DNAH8: variants seen among roughly 807,000 people sequenced by gnomAD.
DNAH8 encodes dynein axonemal heavy chain 8.
DNAH8 carries 382 observed loss-of-function variants against 562.1 expected under a neutral mutation model. The observed-to-expected ratio is 0.68, with a 90% CI of 0.63 to 0.74. DNAH8 has a LOEUF of 0.74. DNAH8 is among the 30% of genes least tolerant of loss of function. The pLI, the probability that DNAH8 is intolerant of heterozygous loss-of-function variation, is 0.00. For synonymous variants in DNAH8, 1,881 were observed against 1,919.4 expected, an observed-to-expected ratio of 0.98 and a Z score of 0.52; for missense variants, 5,203 against 5,620.4, an observed-to-expected ratio of 0.93 and a Z score of 2.37.
At chr6:38,783,480 T>C (rs1193382283) in intron 17 of DNAH8, among the ~76,000 whole-genome samples, 2 of 152,174 alleles carry the variant, frequency 1.3e-5, no homozygotes, top group Admixed American at 6.5e-5. Flanking sequence ...TCAGTCCCAT[T>C]CTGGAGAGAA....
intron 26 of DNAH8, among the ~76,000 whole-genome samples, chr6:38,816,062 G>GTTTTA (rs10585359): frequency 0.012 from 1,813 of 149,832 alleles, 12 homozygotes; most frequent in African/African-American, 0.022. Context: ...ATTTTATTTT[G>GTTTTA]TTTTATTTTA....
chr6:39,020,072 T>C (rs1052519361), intron 91 of DNAH8, among the ~76,000 whole-genome samples: 4 of 152,186 alleles, frequency 2.6e-5, no homozygotes, highest in Non-Finnish European at 5.9e-5. Context: ...AAGCATAAAC[T>C]AGCTCAAGGA....
At chr6:38,881,961 C>G (rs1426047610) in intron 53 of DNAH8, among the ~76,000 whole-genome samples, 2 of 152,158 alleles carry the variant, frequency 1.3e-5, no homozygotes, top group East Asian at 3.9e-4. Context: ...GCATCCATTA[C>G]ATTACTGGTT....
intron 32 of DNAH8, among the ~76,000 whole-genome samples, chr6:38,836,041 C>T (rs1370941539): frequency 8.6e-5 from 13 of 151,946 alleles, no homozygotes; most frequent in South Asian, 2.1e-4. Flanking sequence ...AATTTATTAA[C>T]GAAGCAGAAT....
At chr6:38,808,117 T>G in intron 24 of DNAH8, among the ~76,000 whole-genome samples, 1 of 152,204 alleles carries the variant, frequency 6.6e-6, no homozygotes, top group East Asian at 1.9e-4. Flanking sequence ...GGGGTATAGT[T>G]TTTTACACTT....
In DNAH8 at chr6:38,857,791, C is replaced by G. The variant is rs143384789; in HGVS notation, c.5958+49C>G. On this transcript the variant is annotated intron_variant, in intron 42 of 92. Transcript: ENST00000327475. Reference sequence around the variant, plus strand: ...TAGTGTACTAACTAATAATGAACAGCTAAGAATTGTATATGTTGCCTAACT... The same window carrying G: ...TAGTGTACTAACTAATAATGAACAGGTAAGAATTGTATATGTTGCCTAACT... 3,116 of 1,199,482 alleles carry G rather than the reference C, an allele frequency of 2.6e-3. 66 individuals are homozygous for G. The Admixed American group carries it at 0.04, about 16-fold the overall frequency. The allele number at this position is 1,199,482 out of a possible 1,614,324, so 74.3% of individuals were successfully genotyped here. A position where few individuals can be genotyped will look rare whatever the true frequency, so the allele number is the denominator to read the frequency against.
intron 1 of DNAH8, among the ~76,000 whole-genome samples, chr6:38,717,931 G>A (rs1349344175): frequency 6.6e-6 from 1 of 152,140 alleles, no homozygotes; most frequent in African/African-American, 2.4e-5. Context: ...TCTTAGAATT[G>A]ATGAAATACC....
At chr6:38,968,226 G>A (rs113706203) in intron 82 of DNAH8, among the ~76,000 whole-genome samples, 6,306 of 152,158 alleles carry the variant, frequency 0.041, 286 homozygotes, top group African/African-American at 0.1. Context: ...CTTTGAGGCC[G>A]TGGATTAGGC....
intron 35 of DNAH8, 51 bp from the exon 36 acceptor site, chr6:38,845,522 CT>C: frequency 6.9e-7 from 1 of 1,459,092 alleles, no homozygotes; most frequent in Non-Finnish European, 9.6e-7. Context: ...TGATGATGCA[CT>C]TAATTTGTAG....
At position 38,870,494 on chromosome 6, in the gene DNAH8, G is replaced by A. The variant is rs779998983; in HGVS notation, c.6922G>A (p.Ala2308Thr). Residue 2308 changes from alanine (A) to threonine (T), a missense_variant, in exon 49 of 93, where the codon GCA (alanine) becomes ACA (threonine). Ala to Thr is a moderately conservative substitution (Grantham distance 58). Coordinates refer to ENST00000327475, the MANE Select transcript of DNAH8 (RefSeq NM_001206927.2). ...DSNTYAELQN[A>T]VAHQVQIEGL... ...TAATACTTATGCAGAACTGCAAAAC[G>A]CAGTAGCCCATCAGGTTCAGATAGA... 7.4e-6 allele frequency: 12 copies of A among 1,613,944 alleles called. No homozygotes were observed. In the Admixed American group the frequency reaches 8.3e-5, roughly 11 times the overall value.
At chr6:38,933,173 C>T (rs1782689527) in intron 76 of DNAH8, among the ~76,000 whole-genome samples, 1 of 152,042 alleles carries the variant, frequency 6.6e-6, no homozygotes, top group African/African-American at 2.4e-5. Context: ...GATGATTCCT[C>T]GCTGGTCTAG....
At chr6:38,850,116 A>AAG in intron 37 of DNAH8, 135 bp from the exon 38 acceptor site, 2 of 751,730 alleles carry the variant, frequency 2.7e-6, no homozygotes, top group South Asian at 4.6e-5. Flanking sequence ...ATGAAAAAAA[A>AAG]TTGTCTGTTT....
intron 53 of DNAH8, among the ~76,000 whole-genome samples, chr6:38,879,963 A>C (rs963805671): frequency 2.6e-5 from 4 of 152,166 alleles, no homozygotes; most frequent in African/African-American, 9.7e-5. Flanking sequence ...GGCTGGGTGC[A>C]GGGGCTCACA....
Position 38,755,894 on chromosome 6 carries a change from A to G in DNAH8, c.1408-78A>G, listed in dbSNP as rs7773138. 0.15 allele frequency: 123,205 copies of G among 845,550 alleles called. 10,237 individuals carry two copies. The highest frequency in any genetic ancestry group is 0.26 in the Admixed American group (12,926 of 48,778). 52.4% of individuals were successfully genotyped at this position (845,550 alleles called of 1,614,324 possible). A position where few individuals can be genotyped will look rare whatever the true frequency, so the allele number is the denominator to read the frequency against. On this transcript the variant is annotated intron_variant, in intron 9 of 92. Coordinates refer to ENST00000327475, the MANE Select transcript of DNAH8 (RefSeq NM_001206927.2). ...GCTATACTATTTTGTGTACCTTTAG[A>G]GTTTTGAGTATTATAGAATATTGGT...
intron 55 of DNAH8, 74 bp from the exon 56 acceptor site, chr6:38,883,802 A>G: frequency 8.1e-7 from 1 of 1,232,854 alleles, no homozygotes; most frequent in Non-Finnish European, 1.1e-6. Context: ...TTCTACTCTG[A>G]CAAGAATGCT....
At chr6:38,921,332 T>G in intron 70 of DNAH8, 37 bp from the exon 71 acceptor site, 2 of 1,597,390 alleles carry the variant, frequency 1.3e-6, no homozygotes, top group Non-Finnish European at 1.7e-6. Context: ...GACTGTTTCA[T>G]GCAGCTAATA....
intron 67 of DNAH8, 73 bp downstream of exon 67, chr6:38,914,025 C>A: frequency 2.6e-6 from 3 of 1,140,192 alleles, no homozygotes; most frequent in Non-Finnish European, 3.9e-6. Flanking sequence ...TAAAATGGTA[C>A]TAAAGAACAA....
intron 21 of DNAH8, among the ~76,000 whole-genome samples, chr6:38,796,303 C>T (rs1770245638): frequency 6.6e-6 from 1 of 152,064 alleles, no homozygotes; most frequent in Non-Finnish European, 1.5e-5. Flanking sequence ...CTGGGCAGCC[C>T]CCTCACTTCT....
chr6:38,939,095 T>C (rs920449532), intron 79 of DNAH8, 107 bp downstream of exon 79: 48 of 856,756 alleles, frequency 5.6e-5, no homozygotes, highest in South Asian at 4.0e-4. Context: ...AATGATGTTC[T>C]AACGAAAGTT....
Sources: gnomAD v4.1 joint callset for allele counts (sites outside exome capture counted in the v4.1 genomes callset) on GRCh38, gnomAD v4.1.1 for gene constraint, MANE v1.5 for transcripts, NCBI Gene and HGNC (gene_info 2026-07-23, HGNC 2026-07-21) for gene names.